MSI2: variants seen among roughly 807,000 people sequenced by gnomAD.
MSI2 encodes musashi RNA binding protein 2.
In MSI2, 17 loss-of-function variants were observed where a neutral mutation model predicts 45.6. The observed-to-expected ratio is 0.37, with a 90% CI of 0.26 to 0.56. MSI2 has a LOEUF of 0.56. MSI2 is among the 20% of genes least tolerant of loss of function. The pLI is 0.77. For synonymous variants in MSI2, 156 were observed against 158.2 expected, an observed-to-expected ratio of 0.99 and a Z score of 0.11; for missense variants, 293 against 444.2, an observed-to-expected ratio of 0.66 and a Z score of 3.06.
At chr17:57,308,354 T>C (rs1912093313) in intron 5 of MSI2, among the ~76,000 whole-genome samples, 1 of 152,206 alleles carries the variant, frequency 6.6e-6, no homozygotes, top group Non-Finnish European at 1.5e-5. Context: ...GTGCTAGTTC[T>C]CTTCTAAATA....
chr17:57,686,029 C>T (rs994311120), downstream of MSI2, among the ~76,000 whole-genome samples: 2 of 152,208 alleles, frequency 1.3e-5, no homozygotes, highest in Non-Finnish European at 2.9e-5. Flanking sequence ...ACCTGTGCCA[C>T]GTGACTATCT....
At chr17:57,365,141 T>C (rs1917103417) in intron 5 of MSI2, 1 of 152,206 alleles carries the variant, frequency 6.6e-6, no homozygotes, top group Non-Finnish European at 1.5e-5. Context: ...GAGAAATGTA[T>C]CCTGTGTTGA....
chr17:57,463,149 G>T (rs1409267669), intron 6 of MSI2, among the ~76,000 whole-genome samples: 1 of 152,176 alleles, frequency 6.6e-6, no homozygotes, highest in Admixed American at 6.5e-5. Context: ...TCTCCCTTCT[G>T]CTAGGACCCC....
chr17:57,273,171 T>G (rs2143295616), intron 5 of MSI2, among the ~76,000 whole-genome samples: 1 of 152,274 alleles, frequency 6.6e-6, no homozygotes, highest in South Asian at 2.1e-4. Context: ...CCAAAGAAGA[T>G]AATTGGTTTT....
chr17:57,307,316 A>G (rs1912005853), intron 5 of MSI2, among the ~76,000 whole-genome samples: 1 of 152,204 alleles, frequency 6.6e-6, no homozygotes, highest in Admixed American at 6.5e-5. Context: ...CAGTCTGTTG[A>G]AGGCCTTAAG....
chr17:57,690,721 C>T, the MSI2 span, among the ~76,000 whole-genome samples: 1 of 132,254 alleles, frequency 7.6e-6, no homozygotes, highest in Non-Finnish European at 1.6e-5. Flanking sequence ...AATATTTTTC[C>T]CAGTCTTTGG....
At chr17:57,438,570 C>T (rs375767902) in intron 6 of MSI2, among the ~76,000 whole-genome samples, 4 of 152,016 alleles carry the variant, frequency 2.6e-5, no homozygotes, top group Non-Finnish European at 5.9e-5. Flanking sequence ...TCTGTGGCTC[C>T]GTGACAAGGA....
chr17:57,501,986 A>T (rs1161479210), intron 6 of MSI2, among the ~76,000 whole-genome samples: 1 of 152,192 alleles, frequency 6.6e-6, no homozygotes, highest in Non-Finnish European at 1.5e-5. Context: ...CAGGTTGCAT[A>T]GCCAGTTTCT....
chr17:57,323,284 G>A (rs1286445441), intron 5 of MSI2, among the ~76,000 whole-genome samples: 1 of 152,144 alleles, frequency 6.6e-6, no homozygotes, highest in African/African-American at 2.4e-5. Context: ...GCAGGAAAGT[G>A]GAGAAGAAAA....
At chr17:57,358,200 G>GTGTGTGTGTGTGT (rs1567778446) in intron 5 of MSI2, among the ~76,000 whole-genome samples, 1 of 41,898 alleles carries the variant, frequency 2.4e-5, no homozygotes, top group Non-Finnish European at 4.6e-5. Flanking sequence ...TGTGTGTGTG[G>GTGTGTGTGTGTGT]GGGGGTGTGT....
In MSI2 at chr17:57,319,953, G is replaced by T. The variant is rs568395350; in HGVS notation, c.312+57761G>T. Among the ~76,000 whole-genome samples the T allele has an allele frequency of 3.3e-5, 5 of 152,240 alleles. No individual in the cohort carries two copies. The East Asian group carries it at 9.6e-4, about 29-fold the overall frequency. On this transcript the variant is annotated intron_variant, in intron 5 of 13. Transcript: ENST00000284073. ...TGCTCAGTGGTAAAGTGGAGCGAGA[G>T]GGGCGACTGCAGCTCTCAGATCCCT...
chr17:57,594,744 G>T (rs1905124165), intron 7 of MSI2, among the ~76,000 whole-genome samples: 1 of 152,186 alleles, frequency 6.6e-6, no homozygotes, highest in Admixed American at 6.5e-5. Flanking sequence ...TATCCTGTCG[G>T]ATGTCTGCTT....
At chr17:57,393,454 T>G (rs768959992) in intron 5 of MSI2, among the ~76,000 whole-genome samples, 1 of 152,202 alleles carries the variant, frequency 6.6e-6, no homozygotes, top group South Asian at 2.1e-4. Flanking sequence ...CATGTGTCAG[T>G]ACCTCGTTCC....
the MSI2 span, among the ~76,000 whole-genome samples, chr17:57,699,062 T>C: frequency 8.4e-6 from 1 of 118,374 alleles, no homozygotes; most frequent in African/African-American, 3.8e-5. Context: ...TGTGTGTGTG[T>C]GTGTGTGTGT....
In MSI2 at chr17:57,492,365, T is replaced by G. The variant is rs1242733864; in HGVS notation, c.406-37311T>G. Among the ~76,000 whole-genome samples, 3 of 152,234 alleles carry G rather than the reference T, an allele frequency of 2.0e-5. No homozygotes were observed. In the East Asian group the frequency reaches 5.8e-4, roughly 29 times the overall value. The stretch of plus-strand genomic sequence containing the variant: ...ATATTGGTATGTCCTCCGGGTCCCT[T>G]TAAGGTCAAGAAATCAGGAGATAAA... On this transcript the variant is annotated intron_variant, in intron 6 of 13. Coordinates refer to ENST00000284073, the MANE Select transcript of MSI2 (RefSeq NM_138962.4).
intron 9 of MSI2, among the ~76,000 whole-genome samples, chr17:57,619,195 T>C (rs1009211932): frequency 6.6e-6 from 1 of 152,192 alleles, no homozygotes; most frequent in Non-Finnish European, 1.5e-5. Context: ...CAAGCAGGGA[T>C]CCCTGAACAG....
In MSI2 at chr17:57,679,580, G is replaced by A. The variant is rs568639628; in HGVS notation, c.*63G>A. ...CCTGGATGTCCAGGCAAGACTGGGC[G>A]AAGTTTCTGAGTGGCCCTTTGTTTA... On this transcript the variant is annotated 3_prime_UTR_variant, in exon 14 of 14. Transcript: ENST00000284073. 1.5e-3 allele frequency: 1,571 copies of A among 1,060,708 alleles called. No homozygotes were observed. Among genetic ancestry groups the A allele is most frequent in the Non-Finnish European group, 1.7e-3 (1,493 of 876,160 alleles). The allele number at this position is 1,060,708 out of a possible 1,614,324, so 65.7% of individuals were successfully genotyped here. A position where few individuals can be genotyped will look rare whatever the true frequency, so the allele number is the denominator to read the frequency against.
chr17:57,499,149 A>G (rs976493019), intron 6 of MSI2, among the ~76,000 whole-genome samples: 11 of 151,586 alleles, frequency 7.3e-5, no homozygotes, highest in African/African-American at 2.7e-4. Flanking sequence ...GCTGAGGCGG[A>G]TGGATCACCT....
chr17:57,526,356 G>GGGGTGTGTGTGTGT (rs1342100756), intron 6 of MSI2, among the ~76,000 whole-genome samples: 17 of 122,602 alleles, frequency 1.4e-4, no homozygotes, highest in African/African-American at 5.1e-4. Context: ...GATATACCTG[G>GGGGTGTGTGTGTGT]GTGTGTGTGT....
Sources: allele counts gnomAD v4.1 joint callset (sites outside exome capture counted in the v4.1 genomes callset), GRCh38; gene constraint gnomAD v4.1.1; transcripts MANE v1.5; gene names NCBI Gene and HGNC (gene_info 2026-07-23, HGNC 2026-07-21).